Variants in KBTBD12 observed in about 807,000 individuals in gnomAD.
KBTBD12 encodes the protein kelch repeat and BTB domain containing 12.
A neutral mutation model predicts 58.7 loss-of-function variants in KBTBD12; 53 were observed. The ratio of observed to expected loss-of-function variants is 0.90; its 90% CI spans 0.72 to 1.14. The LOEUF (loss-of-function observed/expected upper bound fraction) is 1.14, where lower values mean the gene tolerates loss of function less well. KBTBD12 is among the 50% of genes most tolerant of loss of function. The pLI is 0.00. For synonymous variants in KBTBD12, 236 were observed against 259.8 expected (o/e 0.91, Z 0.88); for missense variants, 704 against 751.3 (o/e 0.94, Z 0.74).
chr3:127,927,446 A>G (rs1939599015), intron 2 of KBTBD12, among the ~76,000 whole-genome samples: 1 of 152,078 alleles, frequency 6.6e-6, no homozygotes, highest in African/African-American at 2.4e-5. Context: ...TTGCTTAAAA[A>G]CTTTCTATCC....
intron 4 of KBTBD12, among the ~76,000 whole-genome samples, chr3:127,951,450 G>T (rs1244340744): frequency 1.3e-5 from 2 of 152,182 alleles, no homozygotes; most frequent in Non-Finnish European, 2.9e-5. Context: ...AGCCTTAGAA[G>T]AGGACTCAGT....
At chr3:127,921,136 A>G (rs1939397002) in intron 1 of KBTBD12, among the ~76,000 whole-genome samples, 2 of 152,228 alleles carry the variant, frequency 1.3e-5, no homozygotes, top group South Asian at 4.1e-4. Flanking sequence ...TGCATATTGT[A>G]CATGCATGGC....
intron 4 of KBTBD12, among the ~76,000 whole-genome samples, chr3:127,936,861 G>T (rs561531346): frequency 2.0e-5 from 3 of 152,106 alleles, no homozygotes; most frequent in African/African-American, 7.2e-5. Context: ...GAAAGTTACT[G>T]ATGAAAGGCT....
At chr3:127,942,348 T>C (rs952783991) in intron 4 of KBTBD12, among the ~76,000 whole-genome samples, 3 of 152,166 alleles carry the variant, frequency 2.0e-5, no homozygotes, top group Admixed American at 6.5e-5. Flanking sequence ...CAGTATTAAC[T>C]GTAGTCATCA....
intron 4 of KBTBD12, among the ~76,000 whole-genome samples, chr3:127,960,407 G>A (rs1158564797): frequency 6.6e-6 from 1 of 152,082 alleles, no homozygotes; most frequent in East Asian, 1.9e-4. Flanking sequence ...GGTCCATTTG[G>A]ATATGACCTG....
At chr3:127,947,098 C>G (rs924353752) in intron 4 of KBTBD12, among the ~76,000 whole-genome samples, 4 of 152,100 alleles carry the variant, frequency 2.6e-5, no homozygotes, top group African/African-American at 9.7e-5. Flanking sequence ...GGATAGTTCA[C>G]AAGTCTGCTT....
intron 1 of KBTBD12, among the ~76,000 whole-genome samples, chr3:127,921,813 G>T (rs1243814912): frequency 6.6e-6 from 1 of 152,134 alleles, no homozygotes; most frequent in Non-Finnish European, 1.5e-5. Flanking sequence ...ATTTATGTTT[G>T]GGAATCTGGG....
intron 1 of KBTBD12, among the ~76,000 whole-genome samples, chr3:127,918,766 T>G (rs1042671754): frequency 2.7e-5 from 4 of 150,814 alleles, no homozygotes; most frequent in Non-Finnish European, 5.9e-5. Context: ...CCCATATGCG[T>G]TAGAACTGTA....
At chr3:127,958,018 G>A (rs1046470928) in intron 4 of KBTBD12, among the ~76,000 whole-genome samples, 1 of 152,144 alleles carries the variant, frequency 6.6e-6, no homozygotes, top group African/African-American at 2.4e-5. Context: ...AGGAGAAGAG[G>A]CCATTCTAGG....
rs1293660779 is a variant in KBTBD12, at chr3:127,986,463, A to C, written c.*2185A>C. 6.6e-6 allele frequency: 1 copy of C among 151,788 alleles called. No individual in the cohort carries two copies. The highest frequency in any genetic ancestry group is 1.5e-5 in the Non-Finnish European group (1 of 68,044). The allele number at this position is 151,788 out of a possible 1,614,324, so 9.4% of individuals were successfully genotyped here. A position where few individuals can be genotyped will look rare whatever the true frequency, so the allele number is the denominator to read the frequency against. On this transcript the variant is annotated 3_prime_UTR_variant, in exon 6 of 6. Coordinates refer to ENST00000405109, the MANE Select transcript of KBTBD12 (RefSeq NM_207335.4). Reference sequence around the variant, plus strand: ...CTTTAGGGAAGTGGGGCAGATGTGCATATGGCTTGTGACGGTTCTTTCTTT... The same window carrying C: ...CTTTAGGGAAGTGGGGCAGATGTGCCTATGGCTTGTGACGGTTCTTTCTTT...
intron 5 of KBTBD12, among the ~76,000 whole-genome samples, chr3:127,969,055 T>C (rs1423613535): frequency 6.6e-6 from 1 of 152,214 alleles, no homozygotes; most frequent in Non-Finnish European, 1.5e-5. Flanking sequence ...CTCTTGCCAC[T>C]TCTATTCAGC....
At chr3:127,938,640 G>A (rs1272548547) in intron 4 of KBTBD12, among the ~76,000 whole-genome samples, 2 of 152,168 alleles carry the variant, frequency 1.3e-5, no homozygotes, top group Non-Finnish European at 2.9e-5. Context: ...TTATCCATCT[G>A]TTGGAAAGAA....
At chr3:127,944,482 T>C (rs1004341458) in intron 4 of KBTBD12, among the ~76,000 whole-genome samples, 6 of 152,212 alleles carry the variant, frequency 3.9e-5, no homozygotes, top group Non-Finnish European at 8.8e-5. Context: ...GTCAGATAAG[T>C]GGTTGTTGGT....
At chr3:127,980,206 G>A (rs1041935855) in intron 5 of KBTBD12, among the ~76,000 whole-genome samples, 2 of 152,190 alleles carry the variant, frequency 1.3e-5, no homozygotes, top group South Asian at 2.1e-4. Context: ...ATAAAACAAG[G>A]TTGGTTCAAA....
At chr3:127,963,526 CA>C in intron 5 of KBTBD12, 140 bp downstream of exon 5, 1 of 770,770 alleles carries the variant, frequency 1.3e-6, no homozygotes, top group Non-Finnish European at 2.0e-6. Context: ...GGACCCTGTG[CA>C]AAACCTCTTG....
At chr3:127,955,661 G>A in intron 4 of KBTBD12, among the ~76,000 whole-genome samples, 1 of 152,100 alleles carries the variant, frequency 6.6e-6, no homozygotes, top group East Asian at 1.9e-4. Flanking sequence ...GGCAATTCTG[G>A]CGTGAAAAAA....
intron 4 of KBTBD12, among the ~76,000 whole-genome samples, chr3:127,937,431 A>C (rs1939854529): frequency 6.6e-6 from 1 of 152,192 alleles, no homozygotes; most frequent in African/African-American, 2.4e-5. Flanking sequence ...CAGATCACAC[A>C]AAGATAAAGA....
intron 4 of KBTBD12, among the ~76,000 whole-genome samples, chr3:127,933,324 CT>C (rs896468759): frequency 3.3e-5 from 5 of 151,710 alleles, no homozygotes; most frequent in African/African-American, 1.2e-4. Context: ...AAACTAGCAG[CT>C]TTTTTTTGCC....
Position 127,928,042 on chromosome 3 carries a change from A to C in KBTBD12, c.1341+8A>C. The stretch of plus-strand genomic sequence containing the variant: ...GGAGGCTGGACCCCTCAGGTTAAGA[A>C]ATTTCCTGTATACATAATTGGCATG... On this transcript the variant is annotated splice_region_variant and intron_variant, in intron 3 of 5. Coordinates refer to ENST00000405109, the MANE Select transcript of KBTBD12 (RefSeq NM_207335.4). 6.2e-7 allele frequency: 1 copy of C among 1,610,334 alleles called. No homozygotes were observed. Among genetic ancestry groups the C allele is most frequent in the Non-Finnish European group, 8.5e-7 (1 of 1,176,988 alleles).
Sources: gnomAD v4.1 joint callset for allele counts (sites outside exome capture counted in the v4.1 genomes callset) on GRCh38, gnomAD v4.1.1 for gene constraint, MANE v1.5 for transcripts, NCBI Gene and HGNC (gene_info 2026-07-23, HGNC 2026-07-21) for gene names.